OR2L13: variants seen among roughly 807,000 people sequenced by gnomAD.
OR2L13 encodes the protein olfactory receptor family 2 subfamily L member 13.
In OR2L13, 14 loss-of-function variants were observed where a neutral mutation model predicts 15.3. The ratio of observed to expected loss-of-function variants is 0.91; its 90% CI spans 0.60 to 1.43. OR2L13 has a LOEUF of 1.43. Among genes scored for constraint, OR2L13 ranks in the 40% most tolerant of loss-of-function variants. OR2L13 has a pLI of 0.00. For synonymous variants in OR2L13, 152 were observed against 142.9 expected, an observed-to-expected ratio of 1.06 and a Z score of -0.45; for missense variants, 367 against 387.9, an observed-to-expected ratio of 0.95 and a Z score of 0.45.
At chr1:248,088,409 A>G in the OR2L13 span, among the ~76,000 whole-genome samples, 1 of 152,158 alleles carries the variant, frequency 6.6e-6, no homozygotes, top group South Asian at 2.1e-4. Flanking sequence ...TACGCATTTC[A>G]TGATTTTGGA....
chr1:247,974,435 A>G, the OR2L13 span, among the ~76,000 whole-genome samples: 4 of 152,146 alleles, frequency 2.6e-5, no homozygotes, highest in African/African-American at 9.7e-5. Flanking sequence ...TATATTAAAA[A>G]AAAAAGTTAT....
the OR2L13 span, chr1:248,003,991 C>G: frequency 6.2e-7 from 1 of 1,613,992 alleles, no homozygotes; most frequent in Non-Finnish European, 8.5e-7. Context: ...TCAACCCCAT[C>G]ATCTATAGCC....
At chr1:247,952,776 A>G in the OR2L13 span, among the ~76,000 whole-genome samples, 1 of 152,184 alleles carries the variant, frequency 6.6e-6, no homozygotes, top group East Asian at 1.9e-4. Context: ...TTCAGACCCT[A>G]TACCCATTTC....
the OR2L13 span, among the ~76,000 whole-genome samples, chr1:248,028,080 G>T: frequency 5.4e-4 from 76 of 141,068 alleles, no homozygotes; most frequent in African/African-American, 7.3e-4. Context: ...GGCTGAGCTT[G>T]CAGTGAGCCG....
chr1:248,063,636 C>T, the OR2L13 span, among the ~76,000 whole-genome samples: 2 of 152,198 alleles, frequency 1.3e-5, no homozygotes, highest in African/African-American at 4.8e-5. Context: ...TCACTTGCTG[C>T]TGCCAGGGAG....
the OR2L13 span, among the ~76,000 whole-genome samples, chr1:248,055,276 AG>A: frequency 3.3e-5 from 5 of 152,206 alleles, no homozygotes; most frequent in Non-Finnish European, 7.3e-5. Flanking sequence ...GCTTGCATCC[AG>A]GGGATGAAGC....
the OR2L13 span, among the ~76,000 whole-genome samples, chr1:248,046,189 A>G: frequency 6.6e-6 from 1 of 152,218 alleles, no homozygotes; most frequent in Admixed American, 6.5e-5. Context: ...CTAATTTAAT[A>G]GGAGAAAATA....
the OR2L13 span, among the ~76,000 whole-genome samples, chr1:248,078,724 G>A: frequency 6.6e-6 from 1 of 151,942 alleles, no homozygotes; most frequent in Non-Finnish European, 1.5e-5. Context: ...CAACACAAAT[G>A]TTCTTCAATA....
the OR2L13 span, among the ~76,000 whole-genome samples, chr1:247,938,708 T>A: frequency 2.0e-5 from 3 of 152,232 alleles, no homozygotes; most frequent in Middle Eastern, 6.8e-3. Context: ...ATAAAGAGTG[T>A]AAAGAGCATG....
the OR2L13 span, among the ~76,000 whole-genome samples, chr1:248,047,391 T>A: frequency 4.6e-5 from 7 of 152,194 alleles, no homozygotes; most frequent in African/African-American, 1.7e-4. Flanking sequence ...TTAGTGTTGT[T>A]TTTGCATAAA....
At chr1:248,024,628 T>C in the OR2L13 span, among the ~76,000 whole-genome samples, 11 of 152,182 alleles carry the variant, frequency 7.2e-5, no homozygotes, top group African/African-American at 2.7e-4. Context: ...TACATATGGC[T>C]AGCCAGTTTT....
At chr1:247,996,285 G>GACAT in the OR2L13 span, among the ~76,000 whole-genome samples, 5,112 of 152,206 alleles carry the variant, frequency 0.034, 238 homozygotes, top group African/African-American at 0.12. Flanking sequence ...ACAAACATTT[G>GACAT]ACATAAATGC....
At chr1:247,995,348 T>C in the OR2L13 span, among the ~76,000 whole-genome samples, 3 of 152,248 alleles carry the variant, frequency 2.0e-5, no homozygotes, top group Non-Finnish European at 4.4e-5. Flanking sequence ...CTCCACAGAC[T>C]ATTATCTGTT....
At chr1:247,944,224 A>G in the OR2L13 span, among the ~76,000 whole-genome samples, 2 of 151,948 alleles carry the variant, frequency 1.3e-5, no homozygotes, top group Admixed American at 6.6e-5. Context: ...GAGAAAAAAG[A>G]TTTATTTGAA....
At chr1:248,080,588 C>G in the OR2L13 span, among the ~76,000 whole-genome samples, 1 of 152,150 alleles carries the variant, frequency 6.6e-6, no homozygotes, top group Non-Finnish European at 1.5e-5. Context: ...TCATCCATGT[C>G]CCTGCAAAGG....
chr1:247,947,838 G>A, the OR2L13 span, among the ~76,000 whole-genome samples: 2 of 152,306 alleles, frequency 1.3e-5, no homozygotes, highest in African/African-American at 2.4e-5. Context: ...GACAAAAGAA[G>A]TTTGACTTGG....
chr1:248,100,093 A>G lies in OR2L13; in HGVS notation c.718A>G (p.Ile240Val), dbSNP rs1292637326. 4 of 1,613,934 alleles carry G rather than the reference A, an allele frequency of 2.5e-6. No homozygotes were observed. Among genetic ancestry groups the G allele is most frequent in the Non-Finnish European group, 3.4e-6 (4 of 1,179,944 alleles). The change falls in exon 3 of 3, where the codon ATT (isoleucine) becomes GTT (valine). Residue 240 changes from isoleucine to valine, a missense_variant. Coordinates refer to ENST00000641714, the Ensembl canonical transcript of OR2L13. ...GGGGAGAAAAAAGGCCTTCACCACC[A>G]TTTCAACACATTTAACTGTAGTGAT...
the OR2L13 span, among the ~76,000 whole-genome samples, chr1:247,944,015 C>T: frequency 6.6e-6 from 1 of 152,086 alleles, no homozygotes; most frequent in South Asian, 2.1e-4. Flanking sequence ...TATTTCTTGA[C>T]TCTGTTTTCC....
the OR2L13 span, chr1:248,083,757 G>A: frequency 1.2e-6 from 2 of 1,613,998 alleles, no homozygotes; most frequent in South Asian, 2.2e-5. Context: ...TAGTAAAGGG[G>A]TGAACATACT....
Sources: gnomAD v4.1 joint callset for allele counts (sites outside exome capture counted in the v4.1 genomes callset) on GRCh38, gnomAD v4.1.1 for gene constraint, MANE v1.5 for transcripts, NCBI Gene and HGNC (gene_info 2026-07-23, HGNC 2026-07-21) for gene names.